The following LDB2 variants were observed in gnomAD, a reference collection of about 807,000 sequenced individuals.
The protein encoded by LDB2 is LIM domain-binding protein 2.
A neutral mutation model predicts 44.3 loss-of-function variants in LDB2; 12 were observed. The observed-to-expected ratio is 0.27, with a 90% CI of 0.17 to 0.44. The LOEUF (loss-of-function observed/expected upper bound fraction) is 0.44, where lower values mean the gene tolerates loss of function less well. Among genes scored for constraint, LDB2 ranks in the 20% least tolerant of loss-of-function variants. The pLI is 1.00. For missense variants in LDB2, 344 were observed against 473.5 expected, an observed-to-expected ratio of 0.73 and a Z score of 2.54; for synonymous variants, 164 against 174.8, an observed-to-expected ratio of 0.94 and a Z score of 0.49.
At chr4:16,652,313 C>T (rs977356374) in intron 2 of LDB2, among the ~76,000 whole-genome samples, 2 of 152,114 alleles carry the variant, frequency 1.3e-5, no homozygotes, top group African/African-American at 4.8e-5. Context: ...ACGCAAAGCA[C>T]ATGAAACTAA....
At chr4:16,880,647 C>A (rs995715156) in intron 1 of LDB2, among the ~76,000 whole-genome samples, 1 of 152,082 alleles carries the variant, frequency 6.6e-6, no homozygotes, top group African/African-American at 2.4e-5. Context: ...GGCCCTGTGT[C>A]CTCTGCTGCT....
intron 1 of LDB2, among the ~76,000 whole-genome samples, chr4:16,767,148 T>C (rs1477184203): frequency 1.3e-5 from 2 of 152,170 alleles, no homozygotes; most frequent in Non-Finnish European, 2.9e-5. Context: ...AAGAGTACTG[T>C]TAAGCAGTAT....
intron 1 of LDB2, among the ~76,000 whole-genome samples, chr4:16,817,655 G>A (rs115973529): frequency 0.017 from 2,580 of 152,256 alleles, 87 homozygotes; most frequent in African/African-American, 0.059. Flanking sequence ...TTTCTATGTG[G>A]AAGGTCCTGT....
chr4:16,570,172 A>G (rs1745896207), intron 5 of LDB2, among the ~76,000 whole-genome samples: 1 of 152,088 alleles, frequency 6.6e-6, no homozygotes, highest in African/African-American at 2.4e-5. Flanking sequence ...GCTTTCAAAA[A>G]GTTTACATCG....
intron 1 of LDB2, among the ~76,000 whole-genome samples, chr4:16,878,677 T>C (rs906763321): frequency 1.3e-5 from 2 of 152,264 alleles, no homozygotes; most frequent in African/African-American, 4.8e-5. Context: ...AAACACGGTC[T>C]GACCCCAACC....
intron 2 of LDB2, among the ~76,000 whole-genome samples, chr4:16,644,905 C>T (rs1736267841): frequency 1.3e-5 from 2 of 152,182 alleles, no homozygotes; most frequent in Non-Finnish European, 1.5e-5. Flanking sequence ...CACTCTCATC[C>T]TCATCCTGTT....
At chr4:16,674,437 T>C in intron 2 of LDB2, 1 of 428,212 alleles carries the variant, frequency 2.3e-6, no homozygotes, top group South Asian at 1.7e-5. Flanking sequence ...GCACCCATCA[T>C]TCATTGAGTG....
At position 16,513,391 on chromosome 4, in the gene LDB2, GACTC is replaced by G. The variant is rs1372678618; in HGVS notation, c.616-1291_616-1288del. On this transcript the variant is annotated intron_variant, in intron 5 of 7. Transcript: ENST00000304523. The stretch of plus-strand genomic sequence containing the variant: ...AGCACCCAGCTCCTTCTGCTGTATG[GACTC>G]ACTCATTCATGCTATGAAACCATCT... 2.6e-5 allele frequency among the ~76,000 whole-genome samples: 4 copies of G among 152,288 alleles called. No individual in the cohort carries two copies. The East Asian group carries it at 7.7e-4, about 29-fold the overall frequency.
At chr4:16,767,832 G>A (rs1399827505) in intron 1 of LDB2, among the ~76,000 whole-genome samples, 1 of 152,110 alleles carries the variant, frequency 6.6e-6, no homozygotes, top group Non-Finnish European at 1.5e-5. Flanking sequence ...CCATCTCACA[G>A]GTGAACCCAA....
At chr4:16,863,889 T>C (rs1713670169) in intron 1 of LDB2, among the ~76,000 whole-genome samples, 1 of 152,086 alleles carries the variant, frequency 6.6e-6, no homozygotes, top group Non-Finnish European at 1.5e-5. Flanking sequence ...CTCAATCTCC[T>C]AACCTCGTGA....
intron 2 of LDB2, among the ~76,000 whole-genome samples, chr4:16,633,536 C>A (rs1382848439): frequency 6.6e-6 from 1 of 151,978 alleles, no homozygotes; most frequent in Non-Finnish European, 1.5e-5. Flanking sequence ...AAAAAAATAC[C>A]TAGGAATACA....
intron 1 of LDB2, among the ~76,000 whole-genome samples, chr4:16,857,978 T>C (rs2090154833): frequency 6.7e-6 from 1 of 148,744 alleles, no homozygotes; most frequent in African/African-American, 2.4e-5. Flanking sequence ...ATATATTGAC[T>C]GAATGAGCCT....
At chr4:16,880,702 G>A (rs763082251) in intron 1 of LDB2, among the ~76,000 whole-genome samples, 3 of 151,980 alleles carry the variant, frequency 2.0e-5, no homozygotes, top group Non-Finnish European at 2.9e-5. Flanking sequence ...TCAGGAGATC[G>A]AGACCATCCT....
intron 1 of LDB2, among the ~76,000 whole-genome samples, chr4:16,762,989 T>C (rs561043996): frequency 4.8e-4 from 73 of 151,924 alleles, no homozygotes; most frequent in Non-Finnish European, 8.2e-4. Context: ...TGATTCAAAC[T>C]AGCTTCAGTG....
chr4:16,660,291 C>G (rs191451648), intron 2 of LDB2, among the ~76,000 whole-genome samples: 1 of 152,136 alleles, frequency 6.6e-6, no homozygotes. Flanking sequence ...AGGCTGAACA[C>G]AAAACTCATA....
chr4:16,518,487 T>TG lies in LDB2; in HGVS notation c.616-6384_616-6383insC, dbSNP rs200510206. Among the ~76,000 whole-genome samples the TG allele has an allele frequency of 5.3e-3, 801 of 152,118 alleles. 41 individuals carry two copies. The East Asian group carries it at 0.12, about 22-fold the overall frequency. The stretch of plus-strand genomic sequence containing the variant: ...TGCTCAGACCTTTGCTTGTGTTGTT[T>TG]TTTTTTTCGCTTTTAAAAGGCCTTC... On this transcript the variant is annotated intron_variant, in intron 5 of 7. Transcript: ENST00000304523.
At chr4:16,655,246 C>T (rs1739446269) in intron 2 of LDB2, among the ~76,000 whole-genome samples, 2 of 152,168 alleles carry the variant, frequency 1.3e-5, no homozygotes, top group African/African-American at 4.8e-5. Flanking sequence ...CTTCCATCAG[C>T]AGCAGGAGGT....
chr4:16,883,040 C>A (rs751870904), intron 1 of LDB2, among the ~76,000 whole-genome samples: 6 of 152,168 alleles, frequency 3.9e-5, no homozygotes, highest in Non-Finnish European at 7.3e-5. Flanking sequence ...AACCATCGAG[C>A]CTTCCTTTAT....
intron 1 of LDB2, chr4:16,888,693 G>C: frequency 4.1e-6 from 4 of 983,054 alleles, no homozygotes; most frequent in Non-Finnish European, 4.8e-6. Context: ...TTTGCTGATA[G>C]AATCCAGAAT....
Sources: allele counts gnomAD v4.1 joint callset (sites outside exome capture counted in the v4.1 genomes callset), GRCh38; gene constraint gnomAD v4.1.1; transcripts MANE v1.5; gene names NCBI Gene and HGNC (gene_info 2026-07-23, HGNC 2026-07-21).